Variants in ALPK1 observed in about 807,000 individuals in gnomAD.
The protein encoded by ALPK1 is alpha-protein kinase 1.
A neutral mutation model predicts 120.6 loss-of-function variants in ALPK1; 110 were observed. The observed-to-expected ratio is 0.91, with a 90% CI of 0.78 to 1.07. The LOEUF (loss-of-function observed/expected upper bound fraction) is 1.07, where lower values mean the gene tolerates loss of function less well. ALPK1 is among the 50% of genes least tolerant of loss of function. The pLI is 0.00. For missense variants in ALPK1, 1,498 were observed against 1,483.9 expected (o/e 1.01, Z -0.16); for synonymous variants, 582 against 560.3 (o/e 1.04, Z -0.55).
rs554877427 is a variant in ALPK1 at position 112,335,292 on chromosome 4, G to T, written c.-101+19440G>T. Among the ~76,000 whole-genome samples the T allele has an allele frequency of 4.0e-5, 6 of 150,290 alleles. No individual in the cohort carries two copies. In the East Asian group the frequency reaches 1.2e-3, roughly 29 times the overall value. ...AAAAAAAAAAAAAAAGATACTTTTT[G>T]AGTCAGGGAAATGCAGTCATTTGCT... On this transcript the variant is annotated intron_variant, in intron 2 of 15. Coordinates refer to ENST00000650871, the MANE Select transcript of ALPK1 (RefSeq NM_025144.4).
At chr4:112,358,392 G>A (rs1439515387) in intron 2 of ALPK1, 6 of 616,478 alleles carry the variant, frequency 9.7e-6, no homozygotes, top group African/African-American at 1.8e-5. Flanking sequence ...CCCAGTTTGC[G>A]TGAGGCAGAA....
chr4:112,316,881 G>T (rs974566182), intron 2 of ALPK1, among the ~76,000 whole-genome samples: 1 of 151,690 alleles, frequency 6.6e-6, no homozygotes, highest in African/African-American at 2.4e-5. Context: ...AAAGATCAAG[G>T]AATGACTCGC....
chr4:112,374,614 C>T (rs1299502219), intron 2 of ALPK1, among the ~76,000 whole-genome samples: 1 of 152,174 alleles, frequency 6.6e-6, no homozygotes, highest in African/African-American at 2.4e-5. Flanking sequence ...AAGATATAAG[C>T]TGTGATCACT....
intron 2 of ALPK1, among the ~76,000 whole-genome samples, chr4:112,340,859 T>TC (rs1464798513): frequency 2.0e-5 from 3 of 152,264 alleles, no homozygotes; most frequent in African/African-American, 7.2e-5. Context: ...TATTAGAATT[T>TC]CAGAACGCAT....
At chr4:112,333,748 GA>G (rs1457993608) in intron 2 of ALPK1, among the ~76,000 whole-genome samples, 1 of 151,848 alleles carries the variant, frequency 6.6e-6, no homozygotes, top group Non-Finnish European at 1.5e-5. Context: ...ACATAAATTA[GA>G]AAAAAAATTC....
At chr4:112,357,789 G>T in intron 2 of ALPK1, 2 of 1,036,382 alleles carry the variant, frequency 1.9e-6, no homozygotes, top group Non-Finnish European at 3.0e-6. Context: ...ATGGGCTCCT[G>T]ATCTTCTTCC....
At chr4:112,393,369 G>A (rs1203222034) in intron 4 of ALPK1, among the ~76,000 whole-genome samples, 1 of 152,116 alleles carries the variant, frequency 6.6e-6, no homozygotes, top group Non-Finnish European at 1.5e-5. Context: ...GTGTGGGGGA[G>A]TTGGAAAAAA....
chr4:112,339,731 G>A (rs1326788076), intron 2 of ALPK1, among the ~76,000 whole-genome samples: 1 of 152,138 alleles, frequency 6.6e-6, no homozygotes. Context: ...AGTTGTCTTT[G>A]TCTATGAAAA....
At chr4:112,376,635 C>T (rs1731674736) in intron 2 of ALPK1, among the ~76,000 whole-genome samples, 2 of 152,188 alleles carry the variant, frequency 1.3e-5, no homozygotes, top group African/African-American at 4.8e-5. Context: ...CATTTAATCC[C>T]AACACCAACA....
chr4:112,440,823 G>GTGTA, intron 14 of ALPK1, 94 bp from the exon 15 acceptor site: 2 of 1,497,792 alleles, frequency 1.3e-6, no homozygotes, highest in Non-Finnish European at 1.8e-6. Context: ...GTGTGTGTGT[G>GTGTA]TGTGTGTGTG....
intron 4 of ALPK1, among the ~76,000 whole-genome samples, chr4:112,400,462 G>T (rs1056385077): frequency 1.3e-5 from 2 of 152,144 alleles, no homozygotes; most frequent in East Asian, 1.9e-4. Context: ...GAGGAATTTT[G>T]GTTGGAAAGA....
At chr4:112,376,088 A>G (rs1393994055) in intron 2 of ALPK1, among the ~76,000 whole-genome samples, 1 of 152,212 alleles carries the variant, frequency 6.6e-6, no homozygotes, top group East Asian at 1.9e-4. Context: ...CCCCAAAATA[A>G]TTACAATAAT....
At chr4:112,388,327 C>G (rs1732243281) in intron 4 of ALPK1, among the ~76,000 whole-genome samples, 2 of 152,000 alleles carry the variant, frequency 1.3e-5, no homozygotes, top group South Asian at 4.2e-4. Context: ...AACTCGTGAG[C>G]TCAGGGGATG....
chr4:112,310,848 A>G (rs980103732), intron 1 of ALPK1, among the ~76,000 whole-genome samples: 2 of 152,148 alleles, frequency 1.3e-5, no homozygotes, highest in Non-Finnish European at 2.9e-5. Context: ...AGTGCTATGT[A>G]TATCCTACTG....
At position 112,427,571 on chromosome 4, in the gene ALPK1, G is replaced by T; in HGVS notation, c.701G>T (p.Gly234Val). ...GACTTCTTTGTGTTTTTCTTACAGG[G>T]CCTCTCCACGTCGCTAGGTATACTG... ...YLALPQPDKK[G>V]LSTSLGILAD... The change falls in exon 9 of 16, where the codon GGC becomes GTC. Residue 234 changes from glycine to valine, a missense_variant and splice_region_variant. Gly to Val is a moderately radical substitution (Grantham distance 109, BLOSUM62 -3). Coordinates refer to ENST00000650871, the MANE Select transcript of ALPK1 (RefSeq NM_025144.4). 1 of 1,612,752 alleles carries T rather than the reference G, an allele frequency of 6.2e-7. No individual in the cohort carries two copies. The highest frequency in any genetic ancestry group is 8.5e-7 in the Non-Finnish European group (1 of 1,178,868).
chr4:112,305,803 G>A (rs1394123441), intron 1 of ALPK1, among the ~76,000 whole-genome samples: 1 of 152,082 alleles, frequency 6.6e-6, no homozygotes, highest in East Asian at 1.9e-4. Flanking sequence ...GGAGTGGTGA[G>A]AGAAGGCATC....
Position 112,430,849 on chromosome 4 carries a change from C to T in ALPK1, c.1302C>T (p.Pro434=), listed in dbSNP as rs377366972. ...FSNVDDRSYV[P]ESFECRLDKL... ...ATGTAGATGACAGATCTTATGTTCC[C>T]GAGAGTTTCGAGTGCAGGTTGGATA... Residue 434 remains proline, a synonymous_variant, in exon 11 of 16, where the codon CCC becomes CCT. Transcript: ENST00000650871. 8.1e-6 allele frequency: 13 copies of T among 1,614,040 alleles called. No homozygotes were observed. Among genetic ancestry groups the T allele is most frequent in the East Asian group, 2.2e-5 (1 of 44,888 alleles).
At chr4:112,304,624 A>G (rs138817803) in intron 1 of ALPK1, among the ~76,000 whole-genome samples, 3,045 of 152,042 alleles carry the variant, frequency 0.02, 128 homozygotes, top group African/African-American at 0.069. Flanking sequence ...AAGTTTGTCC[A>G]AGTTCTTTGT....
chr4:112,358,120 G>C (rs1004425603), intron 2 of ALPK1: 22 of 604,316 alleles, frequency 3.6e-5, no homozygotes, highest in Non-Finnish European at 6.0e-5. Flanking sequence ...GCCAGGTTGG[G>C]GCTGGGGGCC....
Sources: allele counts gnomAD v4.1 joint callset (sites outside exome capture counted in the v4.1 genomes callset), GRCh38; gene constraint gnomAD v4.1.1; transcripts MANE v1.5; gene names NCBI Gene and HGNC (gene_info 2026-07-23, HGNC 2026-07-21).